Variants in EVC2 observed in about 807,000 individuals in gnomAD.
The protein encoded by EVC2 is EvC ciliary complex subunit 2, also known as limbin.
EVC2 carries 148 observed loss-of-function variants against 149.3 expected under a neutral mutation model. The ratio of observed to expected loss-of-function variants is 0.99; its 90% CI spans 0.87 to 1.14. The LOEUF is 1.14. EVC2 is among the 50% of genes most tolerant of loss of function. The probability of loss-of-function intolerance (pLI) is 0.00; values close to 1 mark genes in which losing one functional copy is unlikely to be tolerated. For missense variants in EVC2, 1,854 were observed against 1,627.3 expected, an observed-to-expected ratio of 1.14 and a Z score of -2.40; for synonymous variants, 776 against 649.9, an observed-to-expected ratio of 1.19 and a Z score of -2.95.
chr4:5,608,706 T>C (rs1227873752), intron 16 of EVC2, among the ~76,000 whole-genome samples: 1 of 152,130 alleles, frequency 6.6e-6, no homozygotes, highest in Non-Finnish European at 1.5e-5. Context: ...GCTAATTTTT[T>C]TGTATTTTTA....
chr4:5,694,277 TA>T (rs529018144), intron 3 of EVC2, 57 bp downstream of exon 3: 2 of 1,584,238 alleles, frequency 1.3e-6, no homozygotes, highest in South Asian at 1.1e-5. Context: ...ATACAGGCCA[TA>T]ATTGGTTTAT....
chr4:5,549,626 C>A (rs1721694949), intron 21 of EVC2, among the ~76,000 whole-genome samples: 2 of 152,214 alleles, frequency 1.3e-5, no homozygotes, highest in Admixed American at 1.3e-4. Context: ...TGAGGTCAAA[C>A]CCTCTCACAG....
chr4:5,544,545 G>A (rs1459556753), intron 21 of EVC2, among the ~76,000 whole-genome samples: 1 of 152,168 alleles, frequency 6.6e-6, no homozygotes, highest in African/African-American at 2.4e-5. Flanking sequence ...GTGACTCCGT[G>A]GGAAGCCCTT....
rs4350953 is a variant in EVC2, at chr4:5,614,528, G to C, written c.2829+894C>G. Reference sequence around the variant, plus strand: ...TGTTCGGGTAAGGCTTCTTGGAAGGGGAGACATCCAAGAGCTGAGGGAACA... The same window carrying C: ...TGTTCGGGTAAGGCTTCTTGGAAGGCGAGACATCCAAGAGCTGAGGGAACA... On this transcript the variant is annotated intron_variant, in intron 16 of 21. Transcript: ENST00000344408. The surrounding 1 kb of genome is among the most constrained non-coding windows in gnomAD (Gnocchi z 4.7). Among the ~76,000 whole-genome samples, 41,491 of 152,048 alleles carry C rather than the reference G, an allele frequency of 0.27. 6,077 individuals carry two copies. The highest frequency in any genetic ancestry group is 0.6 in the East Asian group (3,097 of 5,152).
At position 5,618,556 on chromosome 4, in the gene EVC2, C is replaced by T. The variant is rs1715441127; in HGVS notation, c.2628G>A (p.Leu876=). The T allele has an allele frequency of 6.2e-7, 1 of 1,614,056 alleles. No homozygotes were observed. The change falls in exon 15 of 22, where the codon CTG becomes CTA. Residue 876 remains leucine (L), a synonymous_variant. Coordinates refer to ENST00000344408, the MANE Select transcript of EVC2 (RefSeq NM_147127.5). This position sits in a 1 kb window ranked among gnomAD's most constrained non-coding sequence, Gnocchi z 4.4. ...LALPKIRARV[L]LQQFQTAWRE... is the part of the protein sequence containing the mutation. ...GCCACGCAGTCTGAAATTGCTGCAGCAGAACTCGGGCCCGGATCTTGGGGA... is the reference window on the plus strand; with the variant it reads ...GCCACGCAGTCTGAAATTGCTGCAGTAGAACTCGGGCCCGGATCTTGGGGA...
chr4:5,621,702 C>T (rs7683887), intron 14 of EVC2, among the ~76,000 whole-genome samples: 6,801 of 152,190 alleles, frequency 0.045, 489 homozygotes, highest in African/African-American at 0.15. Flanking sequence ...AATATGACTC[C>T]GACTTGTCTT....
rs972225065 is a variant in EVC2, at chr4:5,637,369, G to C, written c.1470+3145C>G. On this transcript the variant is annotated intron_variant, in intron 10 of 21. Coordinates refer to ENST00000344408, the MANE Select transcript of EVC2 (RefSeq NM_147127.5). The surrounding 1 kb of genome is among the most constrained non-coding windows in gnomAD (Gnocchi z 4.4). ...TGAGGCTGACTGTCCTCGGGCAGGTGAACCTTCCCCAGCTCAGTTTCCTCA... is the reference window on the plus strand; with the variant it reads ...TGAGGCTGACTGTCCTCGGGCAGGTCAACCTTCCCCAGCTCAGTTTCCTCA... 6.6e-6 allele frequency among the ~76,000 whole-genome samples: 1 copy of C among 152,166 alleles called. No individual in the cohort carries two copies. The highest frequency in any genetic ancestry group is 2.4e-5 in the African/African-American group (1 of 41,442).
chr4:5,532,046 G>A, the EVC2 span, among the ~76,000 whole-genome samples: 1 of 152,244 alleles, frequency 6.6e-6, no homozygotes, highest in East Asian at 1.9e-4. Flanking sequence ...CAACTTTCAT[G>A]GGTTTAACTA....
chr4:5,583,077 G>C (rs1054412165), intron 17 of EVC2, among the ~76,000 whole-genome samples: 2 of 151,758 alleles, frequency 1.3e-5, no homozygotes, highest in African/African-American at 2.4e-5. Flanking sequence ...TGCAAGAACA[G>C]ACTAATATAA....
In EVC2 at chr4:5,640,597, T is replaced by C; in HGVS notation, c.1387A>G (p.Arg463Gly). 4 of 1,614,170 alleles carry C rather than the reference T, an allele frequency of 2.5e-6. No homozygotes were observed. The highest frequency in any genetic ancestry group is 2.2e-5 in the South Asian group (2 of 91,074). The change falls in exon 10 of 22, where the codon AGA (arginine) becomes GGA (glycine). Residue 463 changes from arginine (R) to glycine (G), a missense_variant. By Grantham distance (125) the Arg-to-Gly change is moderately radical. Coordinates refer to ENST00000344408, the MANE Select transcript of EVC2 (RefSeq NM_147127.5). The surrounding 1 kb of genome is among the most constrained non-coding windows in gnomAD (Gnocchi z 4.6). ...ALTAECDLET[R>G]KKMENQYQRE... The stretch of plus-strand genomic sequence containing the variant: ...TGGTACTGGTTTTCCATCTTCTTTC[T>C]TGTTTCCAGGTCACATTCAGCTGTC...
chr4:5,581,716 A>G (rs1055416853), intron 17 of EVC2, among the ~76,000 whole-genome samples: 3 of 152,186 alleles, frequency 2.0e-5, no homozygotes, highest in Middle Eastern at 6.8e-3. Flanking sequence ...CATAGCCAAG[A>G]GAATGGGAAA....
rs1415852488 is a variant in EVC2 at position 5,613,892 on chromosome 4, C to T, written c.2829+1530G>A. ...ACCTGGACACACCTGATGGGAGACA[C>T]TGAGCCCAGAGCAGTTTCTATGGCT... On this transcript the variant is annotated intron_variant, in intron 16 of 21. Coordinates refer to ENST00000344408, the MANE Select transcript of EVC2 (RefSeq NM_147127.5). This position sits in a 1 kb window ranked among gnomAD's most constrained non-coding sequence, Gnocchi z 4.6. 6.6e-6 allele frequency among the ~76,000 whole-genome samples: 1 copy of T among 152,166 alleles called. No individual in the cohort carries two copies. Among genetic ancestry groups the T allele is most frequent in the African/African-American group, 2.4e-5 (1 of 41,418 alleles).
intron 10 of EVC2, among the ~76,000 whole-genome samples, chr4:5,635,029 C>CTGT (rs1716797566): frequency 1.4e-5 from 1 of 71,442 alleles, no homozygotes; most frequent in Non-Finnish European, 2.4e-5. Flanking sequence ...AACAAATGTG[C>CTGT]TTTTTTTTTT....
chr4:5,532,218 C>G, the EVC2 span, among the ~76,000 whole-genome samples: 1 of 152,006 alleles, frequency 6.6e-6, no homozygotes, highest in African/African-American at 2.4e-5. Flanking sequence ...GGCTGCAGCT[C>G]CAGCCTAAAG....
chr4:5,701,199 TCTC>T (rs1220811948), intron 1 of EVC2, among the ~76,000 whole-genome samples: 1 of 152,152 alleles, frequency 6.6e-6, no homozygotes, highest in East Asian at 1.9e-4. Flanking sequence ...CCTTCAAACA[TCTC>T]CTTCTGATCT....
chr4:5,657,822 G>C lies in EVC2; in HGVS notation c.1145+5285C>G, dbSNP rs1718628551. The stretch of plus-strand genomic sequence containing the variant: ...AATTTCAGGATAAAGAATGGAGGCA[G>C]TGCTGCTGTAGGGAAGGCCCCTCAC... On this transcript the variant is annotated intron_variant, in intron 9 of 21. Coordinates refer to ENST00000344408, the MANE Select transcript of EVC2 (RefSeq NM_147127.5). The surrounding 1 kb of genome is among the most constrained non-coding windows in gnomAD (Gnocchi z 4.7). Among the ~76,000 whole-genome samples the C allele has an allele frequency of 6.6e-6, 1 of 151,908 alleles. No homozygotes were observed.
chr4:5,681,031 C>G (rs1441781416), intron 7 of EVC2, among the ~76,000 whole-genome samples: 1 of 152,208 alleles, frequency 6.6e-6, no homozygotes, highest in East Asian at 1.9e-4. Flanking sequence ...CTCAGCCTGT[C>G]CAGCCCACGG....
intron 16 of EVC2, among the ~76,000 whole-genome samples, chr4:5,600,817 C>G (rs189497621): frequency 2.0e-5 from 3 of 152,282 alleles, no homozygotes; most frequent in Non-Finnish European, 2.9e-5. Context: ...GAATTCCCCC[C>G]ACCCATCCTT....
At position 5,679,293 on chromosome 4, in the gene EVC2, T is replaced by C. The variant is rs142907999; in HGVS notation, c.870+1967A>G. On this transcript the variant is annotated intron_variant, in intron 7 of 21. Coordinates refer to ENST00000344408, the MANE Select transcript of EVC2 (RefSeq NM_147127.5). This position sits in a 1 kb window ranked among gnomAD's most constrained non-coding sequence, Gnocchi z 5.1. ...CTCTGTTAACCAGGCTGGAGTGCAG[T>C]GGCATGATCTCGGCTCACTGCAACC... 5.1e-3 allele frequency among the ~76,000 whole-genome samples: 782 copies of C among 152,102 alleles called. 5 individuals are homozygous for C. Among genetic ancestry groups the C allele is most frequent in the African/African-American group, 0.017 (725 of 41,530 alleles).
Sources: gnomAD v4.1 joint callset for allele counts (sites outside exome capture counted in the v4.1 genomes callset) on GRCh38, gnomAD v4.1.1 for gene constraint, Gnocchi (gnomAD v3.1) non-coding constraint, MANE v1.5 for transcripts, NCBI Gene and HGNC (gene_info 2026-07-23, HGNC 2026-07-21) for gene names.